PRKG1: variants seen among roughly 807,000 people sequenced by gnomAD.
PRKG1 encodes cGMP-dependent protein kinase 1.
In PRKG1, 35 loss-of-function variants were observed where a neutral mutation model predicts 88.1. That is an observed-to-expected ratio of 0.40 (90% confidence interval 0.30 to 0.53). PRKG1 has a LOEUF of 0.53. Among genes scored for constraint, PRKG1 ranks in the 20% least tolerant of loss-of-function variants. The pLI, the probability that PRKG1 is intolerant of heterozygous loss-of-function variation, is 0.59. For missense variants in PRKG1, 540 were observed against 839.8 expected (o/e 0.64, Z 4.41); for synonymous variants, 303 against 292.5 (o/e 1.04, Z -0.37).
chr10:51,005,496 G>A (rs1842932277), intron 1 of PRKG1, among the ~76,000 whole-genome samples: 1 of 152,146 alleles, frequency 6.6e-6, no homozygotes, highest in African/African-American at 2.4e-5. Flanking sequence ...CTGGACATTT[G>A]TAAATTGGAA....
At chr10:51,777,364 C>G (rs1028196570) in intron 3 of PRKG1, among the ~76,000 whole-genome samples, 3 of 152,132 alleles carry the variant, frequency 2.0e-5, no homozygotes, top group Admixed American at 6.6e-5. Flanking sequence ...GAGAAAGCTT[C>G]TTCTCATTCC....
At chr10:51,310,613 A>AT (rs1841159437) in intron 2 of PRKG1, among the ~76,000 whole-genome samples, 1 of 151,752 alleles carries the variant, frequency 6.6e-6, no homozygotes. Context: ...TTATTTTTTT[A>AT]TTTTTTTGCT....
intron 2 of PRKG1, among the ~76,000 whole-genome samples, chr10:51,191,542 A>G (rs1424750154): frequency 2.6e-5 from 4 of 151,888 alleles, no homozygotes; most frequent in Non-Finnish European, 5.9e-5. Context: ...TCTAACTGTC[A>G]AAGTAATATG....
chr10:52,182,865 G>T (rs1339337700), intron 9 of PRKG1, among the ~76,000 whole-genome samples: 6 of 152,128 alleles, frequency 3.9e-5, no homozygotes, highest in African/African-American at 1.4e-4. Context: ...AAGTCAGGTA[G>T]TGTGATTTGG....
intron 3 of PRKG1, among the ~76,000 whole-genome samples, chr10:51,470,510 T>C (rs2132820949): frequency 6.6e-6 from 1 of 152,060 alleles, no homozygotes; most frequent in Non-Finnish European, 1.5e-5. Flanking sequence ...TTTTCTATTT[T>C]CCTTGATTAG....
chr10:52,094,211 G>A (rs1847121915), intron 7 of PRKG1, among the ~76,000 whole-genome samples: 1 of 152,096 alleles, frequency 6.6e-6, no homozygotes, highest in African/African-American at 2.4e-5. Flanking sequence ...TAGGCACAGT[G>A]AAGGATTTGA....
chr10:51,150,778 CTCTACAT>C (rs1281080311), intron 1 of PRKG1, among the ~76,000 whole-genome samples: 1 of 152,086 alleles, frequency 6.6e-6, no homozygotes, highest in Non-Finnish European at 1.5e-5. Context: ...CCATCCCACA[CTCTACAT>C]TCAGTGATAA....
At chr10:52,119,364 A>T (rs1847762815) in intron 7 of PRKG1, among the ~76,000 whole-genome samples, 1 of 152,204 alleles carries the variant, frequency 6.6e-6, no homozygotes, top group Non-Finnish European at 1.5e-5. Flanking sequence ...GTCATATACC[A>T]AGTTGGCAAT....
intron 3 of PRKG1, among the ~76,000 whole-genome samples, chr10:51,660,081 T>C (rs1211904969): frequency 6.9e-6 from 1 of 144,188 alleles, no homozygotes; most frequent in African/African-American, 2.6e-5. Flanking sequence ...AAATAGTTGC[T>C]GAAAAAAAGA....
intron 2 of PRKG1, among the ~76,000 whole-genome samples, chr10:51,284,179 T>G (rs1255501043): frequency 6.6e-6 from 1 of 152,014 alleles, no homozygotes; most frequent in Non-Finnish European, 1.5e-5. Context: ...CAAAATAAAA[T>G]CCGGTGAAAA....
chr10:52,181,309 C>T (rs1009635019), intron 9 of PRKG1, among the ~76,000 whole-genome samples: 1 of 151,646 alleles, frequency 6.6e-6, no homozygotes, highest in Non-Finnish European at 1.5e-5. Flanking sequence ...AACACAGCTG[C>T]TCAGTCAGTT....
intron 2 of PRKG1, among the ~76,000 whole-genome samples, chr10:51,387,038 GTCAA>G (rs1315818148): frequency 6.6e-6 from 1 of 151,956 alleles, no homozygotes; most frequent in African/African-American, 2.4e-5. Flanking sequence ...ATACATATTG[GTCAA>G]TGTGACTTTT....
At chr10:51,752,489 G>A (rs184070005) in intron 3 of PRKG1, among the ~76,000 whole-genome samples, 38 of 152,284 alleles carry the variant, frequency 2.5e-4, no homozygotes, top group Admixed American at 2.4e-3. Context: ...ATGTAGGAAG[G>A]CCATTTCTTC....
rs74714091 is a variant in PRKG1, at chr10:51,471,464, A to G, written c.592+3628A>G. On this transcript the variant is annotated intron_variant, in intron 3 of 17. Transcript: ENST00000373980. ...CAGTTCCCACACCTGGAAGCAGATC[A>G]TTATCACGTTTTCCTAAAGTGTCAC... Among the ~76,000 whole-genome samples the G allele has an allele frequency of 5.9e-3, 898 of 152,034 alleles. 2 individuals are homozygous for G. Among genetic ancestry groups the G allele is most frequent in the South Asian group, 0.015 (74 of 4,830 alleles).
At chr10:51,320,075 G>T in intron 2 of PRKG1, 1 of 174,872 alleles carries the variant, frequency 5.7e-6, no homozygotes. Flanking sequence ...CACACAGATC[G>T]GCAGCCTTCA....
rs191353870 is a variant in PRKG1 at position 51,460,110 on chromosome 10, G to A, written c.479-7613G>A. Among the ~76,000 whole-genome samples, 310 of 152,148 alleles carry A rather than the reference G, an allele frequency of 2.0e-3. 2 individuals carry two copies. The highest frequency in any genetic ancestry group is 1.4e-3 in the Non-Finnish European group (95 of 67,982). On this transcript the variant is annotated intron_variant, in intron 2 of 17. Coordinates refer to ENST00000373980, the MANE Select transcript of PRKG1 (RefSeq NM_006258.4). The stretch of plus-strand genomic sequence containing the variant: ...CTTCTGCATTATAACTGCAGCCCTA[G>A]CCTCAACCCACTAAATGCCAGAGGA...
At chr10:51,295,110 G>A (rs1840685902) in intron 2 of PRKG1, among the ~76,000 whole-genome samples, 1 of 151,916 alleles carries the variant, frequency 6.6e-6, no homozygotes, top group Non-Finnish European at 1.5e-5. Context: ...GGATTGCTTT[G>A]GCTATTGAAG....
chr10:51,967,738 A>G (rs1407260694), intron 5 of PRKG1, among the ~76,000 whole-genome samples: 5 of 152,106 alleles, frequency 3.3e-5, no homozygotes, highest in Non-Finnish European at 7.4e-5. Context: ...CGTTCCTCAG[A>G]AAGTTTCCTT....
intron 1 of PRKG1, among the ~76,000 whole-genome samples, chr10:51,059,948 C>G (rs1465639919): frequency 7.9e-5 from 12 of 152,194 alleles, no homozygotes; most frequent in African/African-American, 2.6e-4. Flanking sequence ...GTCTCTATCT[C>G]TTCTTAGCAT....
Sources: allele counts gnomAD v4.1 joint callset (sites outside exome capture counted in the v4.1 genomes callset), GRCh38; gene constraint gnomAD v4.1.1; transcripts MANE v1.5; gene names NCBI Gene and HGNC (gene_info 2026-07-23, HGNC 2026-07-21).